UPK1A: variants seen among roughly 807,000 people sequenced by gnomAD.
UPK1A encodes uroplakin-1a.
UPK1A carries 31 observed loss-of-function variants against 32.3 expected under a neutral mutation model. The ratio of observed to expected loss-of-function variants is 0.96; its 90% CI spans 0.72 to 1.30. The LOEUF is 1.30. Among genes scored for constraint, UPK1A ranks in the 50% most tolerant of loss-of-function variants. The pLI, the probability that UPK1A is intolerant of heterozygous loss-of-function variation, is 0.00. For synonymous variants in UPK1A, 135 were observed against 137.1 expected (o/e 0.98, Z 0.11); for missense variants, 340 against 357.4 (o/e 0.95, Z 0.39).
intron 5 of UPK1A, 87 bp downstream of exon 5, chr19:35,673,632 A>AG: frequency 8.4e-7 from 1 of 1,193,314 alleles, no homozygotes. Context: ...CTTTTAGAGG[A>AG]GTGAGTGCCT....
intron 6 of UPK1A, 92 bp downstream of exon 6, chr19:35,676,111 T>G (rs978340229): frequency 3.1e-5 from 42 of 1,375,732 alleles, no homozygotes; most frequent in Non-Finnish European, 3.8e-5. Context: ...TCTCCCTCCC[T>G]GTGTCTGTCC....
chr19:35,673,652 C>A, intron 5 of UPK1A, 107 bp downstream of exon 5: 4 of 935,740 alleles, frequency 4.3e-6, no homozygotes, highest in Non-Finnish European at 6.4e-6. Flanking sequence ...TTAAAGACAT[C>A]CGCTCATGAG....
rs1968034611 is a variant in UPK1A, at chr19:35,668,475, G to A, written c.106G>A (p.Ala36Thr). 5.0e-6 allele frequency: 8 copies of A among 1,614,164 alleles called. 1 individual carries two copies. In the East Asian group the frequency reaches 6.7e-5, roughly 13 times the overall value. Residue 36 changes from alanine (A) to threonine (T), a missense_variant, in exon 3 of 8, where the codon GCT becomes ACT. By Grantham distance (58) the Ala-to-Thr change is moderately conservative (BLOSUM62 0). Transcript: ENST00000617999. ...CCAGCTGTCAGGCCTGTCCCTGTTT[G>A]CTGAGACCATATGGGTGACAGCCGA...
chr19:35,670,058 C>T (rs2284149), intron 3 of UPK1A, among the ~76,000 whole-genome samples: 11,869 of 152,068 alleles, frequency 0.078, 711 homozygotes, highest in African/African-American at 0.17. Context: ...CCGAGGAGGG[C>T]GAGGGAAGAC....
intron 4 of UPK1A, 38 bp from the exon 5 acceptor site, chr19:35,673,400 C>CA: frequency 6.2e-7 from 1 of 1,611,650 alleles, no homozygotes. Flanking sequence ...TCTCCCCACC[C>CA]AGCCCTGCCG....
At chr19:35,677,993 G>A (rs1388767383) in exon 8 of UPK1A, 1 of 1,603,656 alleles carries the variant, frequency 6.2e-7, no homozygotes, top group East Asian at 2.2e-5. Context: ...CATGCTGATA[G>A]CCATGTATTT....
At chr19:35,666,816 G>A (rs1233741083) in exon 2 of UPK1A, 9 of 1,614,138 alleles carry the variant, frequency 5.6e-6, no homozygotes, top group Non-Finnish European at 7.6e-6. Context: ...CAGGATGATG[G>A]CGTCTGCGGC....
chr19:35,666,806 C>T lies in UPK1A; in HGVS notation c.-4-3C>T. ...TGGCCTCATCCCTGCTCATGTGTCC[C>T]AGGATGATGGCGTCTGCGGCAGCAG... On this transcript the variant is annotated splice_polypyrimidine_tract_variant and splice_region_variant and intron_variant, in intron 1 of 7. Coordinates refer to ENST00000617999, the Ensembl canonical transcript of UPK1A. The T allele has an allele frequency of 6.2e-7, 1 of 1,614,070 alleles. No individual in the cohort carries two copies. The highest frequency in any genetic ancestry group is 8.5e-7 in the Non-Finnish European group (1 of 1,179,964).
At chr19:35,676,782 C>T (rs1400013119) in intron 6 of UPK1A, among the ~76,000 whole-genome samples, 1 of 151,742 alleles carries the variant, frequency 6.6e-6, no homozygotes, top group Non-Finnish European at 1.5e-5. Flanking sequence ...GCCTGTAATC[C>T]CAGCTACTCG....
chr19:35,675,990 C>G, exon 6 of UPK1A: 4 of 1,613,736 alleles, frequency 2.5e-6, no homozygotes, highest in Non-Finnish European at 3.4e-6. Context: ...GGGCTGCCGC[C>G]TGGGGCACAT....
At chr19:35,675,967 C>G in exon 6 of UPK1A, 1 of 1,613,940 alleles carries the variant, frequency 6.2e-7, no homozygotes, top group Non-Finnish European at 8.5e-7. Flanking sequence ...AACTTCATCC[C>G]CCTCAACGAG....
chr19:35,673,936 C>T (rs956438737), intron 5 of UPK1A, among the ~76,000 whole-genome samples: 1 of 152,164 alleles, frequency 6.6e-6, no homozygotes, highest in African/African-American at 2.4e-5. Flanking sequence ...GAGATGGGGT[C>T]TTGCTCTGTT....
At chr19:35,668,269 C>A in intron 2 of UPK1A, 185 bp from the exon 3 acceptor site, 1 of 698,628 alleles carries the variant, frequency 1.4e-6, no homozygotes, top group Non-Finnish European at 2.4e-6. Context: ...GGTTGTCTGG[C>A]TGGGCTGTCT....
chr19:35,667,442 C>T (rs538931629), intron 2 of UPK1A, among the ~76,000 whole-genome samples: 1 of 152,106 alleles, frequency 6.6e-6, no homozygotes, highest in Non-Finnish European at 1.5e-5. Flanking sequence ...AAGTGATTCT[C>T]CTGCCTCAGC....
At chr19:35,678,478 T>G in exon 8 of UPK1A, 1 of 150,372 alleles carries the variant, frequency 6.7e-6, no homozygotes, top group African/African-American at 2.4e-5. Context: ...AAATAATGAA[T>G]GAATGAATGA....
chr19:35,673,205 C>T (rs1021594030), intron 3 of UPK1A, 27 bp from the exon 4 acceptor site: 34 of 1,611,762 alleles, frequency 2.1e-5, no homozygotes, highest in African/African-American at 5.3e-5. Flanking sequence ...CTCTGCCCGA[C>T]GGGCCGTCCT....
At chr19:35,673,086 C>A in intron 3 of UPK1A, 146 bp from the exon 4 acceptor site, 1 of 683,630 alleles carries the variant, frequency 1.5e-6, no homozygotes, top group South Asian at 1.7e-5. Flanking sequence ...ACAGCGAACA[C>A]CTGAACACCC....
chr19:35,676,232 C>A, intron 6 of UPK1A: 2 of 695,038 alleles, frequency 2.9e-6, no homozygotes, highest in Non-Finnish European at 4.9e-6. Flanking sequence ...GCTCTGTCAC[C>A]CAGGCTGGAG....
chr19:35,666,517 A>G (rs1361509092), exon 1 of UPK1A: 3 of 416,266 alleles, frequency 7.2e-6, no homozygotes, highest in Non-Finnish European at 1.3e-5. Context: ...GGGGCTGGCC[A>G]GAGAGGCTGC....
Sources: allele counts gnomAD v4.1 joint callset (sites outside exome capture counted in the v4.1 genomes callset), GRCh38; gene constraint gnomAD v4.1.1; transcripts MANE v1.5; gene names NCBI Gene and HGNC (gene_info 2026-07-23, HGNC 2026-07-21).